The following ABI2 variants were observed in gnomAD, a reference collection of about 807,000 sequenced individuals.
ABI2 encodes abl interactor 2.
ABI2 carries 25 observed loss-of-function variants against 59.2 expected under a neutral mutation model. The observed-to-expected ratio is 0.42, with a 90% CI of 0.31 to 0.59. ABI2 has a LOEUF of 0.59. Ranked by LOEUF, ABI2 falls within the 20% of genes least tolerant of loss-of-function variation. The probability of loss-of-function intolerance (pLI) is 0.14; values close to 1 mark genes in which losing one functional copy is unlikely to be tolerated. For synonymous variants in ABI2, 213 were observed against 235.5 expected (o/e 0.90, Z 0.87); for missense variants, 545 against 681.8 (o/e 0.80, Z 2.23).
At chr2:203,347,246 T>C (rs1018417280) in intron 1 of ABI2, among the ~76,000 whole-genome samples, 8 of 152,236 alleles carry the variant, frequency 5.3e-5, no homozygotes, top group African/African-American at 1.9e-4. Flanking sequence ...TCATTTTTGC[T>C]CTATTTTTCC....
intron 10 of ABI2, among the ~76,000 whole-genome samples, chr2:203,413,993 G>A (rs780448786): frequency 4.2e-4 from 64 of 152,168 alleles, no homozygotes; most frequent in Non-Finnish European, 7.8e-4. Flanking sequence ...AGTCCAAACT[G>A]CTGTAAGGCC....
Position 203,430,494 on chromosome 2 carries a change from G to C in ABI2, c.*3142G>C, listed in dbSNP as rs2098474622. On this transcript the variant is annotated 3_prime_UTR_variant, in exon 12 of 12. Coordinates refer to ENST00000261018, the MANE Select transcript of ABI2 (RefSeq NM_001375670.1). ...GAAAGTACACTTTATTGTTGCCTTT[G>C]AACTTACGGCCAAGGCAATAAATCA... 1 of 152,162 alleles carries C rather than the reference G, an allele frequency of 6.6e-6. No homozygotes were observed. The highest frequency in any genetic ancestry group is 1.5e-5 in the Non-Finnish European group (1 of 68,032). The allele number at this position is 152,162 out of a possible 1,614,324, so 9.4% of individuals were successfully genotyped here.
intron 1 of ABI2, among the ~76,000 whole-genome samples, chr2:203,360,273 A>G (rs2093292194): frequency 6.6e-6 from 1 of 152,180 alleles, no homozygotes; most frequent in Admixed American, 6.5e-5. Context: ...TAGGATTTAA[A>G]AAAACACTTT....
Position 203,425,803 on chromosome 2 carries a change from C to T in ABI2, c.1454-1374C>T, listed in dbSNP as rs552695867. The stretch of plus-strand genomic sequence containing the variant: ...TTGGGAGGCCGAGGCAAGTGGATCA[C>T]CTGAGGTCAGGAGTTCAAGACCAGC... On this transcript the variant is annotated intron_variant, in intron 11 of 11. Transcript: ENST00000261018. Among the ~76,000 whole-genome samples the T allele has an allele frequency of 8.5e-5, 13 of 152,176 alleles. No individual in the cohort carries two copies. The East Asian group carries it at 2.3e-3, about 27-fold the overall frequency.
chr2:203,402,904 TA>T (rs922384408), intron 9 of ABI2, among the ~76,000 whole-genome samples, 170 bp downstream of exon 9: 1 of 151,786 alleles, frequency 6.6e-6, no homozygotes, highest in Non-Finnish European at 1.5e-5. Context: ...TTCAATTCTT[TA>T]AAAAAAAATC....
chr2:203,331,900 C>T (rs1325935431), intron 1 of ABI2, among the ~76,000 whole-genome samples: 1 of 151,612 alleles, frequency 6.6e-6, no homozygotes, highest in African/African-American at 2.4e-5. Context: ...ACCTTCGTCC[C>T]CCGGGTTCAA....
chr2:203,385,066 C>A (rs1578389875), intron 4 of ABI2, among the ~76,000 whole-genome samples: 1 of 151,628 alleles, frequency 6.6e-6, no homozygotes, highest in East Asian at 1.9e-4. Context: ...AACTCCTGAC[C>A]TTGTGATCCA....
At chr2:203,340,951 C>G (rs1006707724) in intron 1 of ABI2, among the ~76,000 whole-genome samples, 7 of 152,192 alleles carry the variant, frequency 4.6e-5, no homozygotes, top group Non-Finnish European at 8.8e-5. Context: ...CAACTTCAGC[C>G]ACTTTGGCAT....
At chr2:203,417,880 A>AT (rs1177436230) in intron 11 of ABI2, among the ~76,000 whole-genome samples, 3 of 152,170 alleles carry the variant, frequency 2.0e-5, no homozygotes, top group Non-Finnish European at 4.4e-5. Context: ...TTTTTTCTTT[A>AT]TGTAGCTACT....
At chr2:203,423,510 C>T (rs1043889786) in intron 11 of ABI2, among the ~76,000 whole-genome samples, 1 of 152,228 alleles carries the variant, frequency 6.6e-6, no homozygotes, top group Non-Finnish European at 1.5e-5. Flanking sequence ...ACTGCAACCT[C>T]CGCCTCCCAG....
At chr2:203,406,185 C>A (rs2097419996) in intron 9 of ABI2, among the ~76,000 whole-genome samples, 1 of 152,026 alleles carries the variant, frequency 6.6e-6, no homozygotes, top group Non-Finnish European at 1.5e-5. Context: ...ATATGAAACA[C>A]CTTGGTGGTC....
chr2:203,367,419 T>C (rs2094562853), intron 2 of ABI2: 2 of 152,938 alleles, frequency 1.3e-5, no homozygotes, highest in Non-Finnish European at 2.9e-5. Flanking sequence ...TTTTTTCTTT[T>C]GGTAGGATTT....
At chr2:203,336,025 C>T (rs1037625829) in intron 1 of ABI2, among the ~76,000 whole-genome samples, 6 of 152,112 alleles carry the variant, frequency 3.9e-5, no homozygotes, top group South Asian at 2.1e-4. Flanking sequence ...TTCCAGAATG[C>T]CATATAAGGG....
At chr2:203,415,616 CAAAAAA>C (rs71007515) in intron 10 of ABI2, among the ~76,000 whole-genome samples, 1 of 42,342 alleles carries the variant, frequency 2.4e-5, no homozygotes, top group Admixed American at 2.7e-4. Flanking sequence ...GACTCCGTCT[CAAAAAA>C]AAAAAAAAAA....
chr2:203,338,963 A>T (rs6753045), intron 1 of ABI2, among the ~76,000 whole-genome samples: 2,189 of 9,116 alleles, frequency 0.24, 150 homozygotes, highest in East Asian at 0.47. Context: ...TATATATATA[A>T]ATATATATAT....
intron 2 of ABI2, among the ~76,000 whole-genome samples, chr2:203,372,619 C>T (rs1365364072): frequency 2.0e-5 from 3 of 150,964 alleles, no homozygotes; most frequent in East Asian, 2.0e-4. Flanking sequence ...GACTCCCCCA[C>T]CTCCCTCCCA....
chr2:203,377,871 A>G (rs1473633516), intron 2 of ABI2, among the ~76,000 whole-genome samples: 1 of 152,066 alleles, frequency 6.6e-6, no homozygotes, highest in Non-Finnish European at 1.5e-5. Flanking sequence ...GGGCCAGTCC[A>G]CTCCAGCCTG....
chr2:203,358,071 T>TTGTGTGTGTGTGTGTGTGTGTGTGTGTG (rs71007506), intron 1 of ABI2, among the ~76,000 whole-genome samples: 1 of 128,782 alleles, frequency 7.8e-6, no homozygotes, highest in Non-Finnish European at 1.6e-5. Context: ...CCTGGCCTGT[T>TTGTGTGTGTGTGTGTGTGTGTGTGTGTG]TGTGTGTGTG....
At chr2:203,373,986 C>T (rs1414863884) in intron 2 of ABI2, among the ~76,000 whole-genome samples, 1 of 151,556 alleles carries the variant, frequency 6.6e-6, no homozygotes, top group East Asian at 1.9e-4. Flanking sequence ...TGGCAAAATT[C>T]CATCTCTCCA....
Sources: allele counts gnomAD v4.1 joint callset (sites outside exome capture counted in the v4.1 genomes callset), GRCh38; gene constraint gnomAD v4.1.1; transcripts MANE v1.5; gene names NCBI Gene and HGNC (gene_info 2026-07-23, HGNC 2026-07-21).